The following PPARA variants were observed in gnomAD, a reference collection of about 807,000 sequenced individuals.
PPARA encodes peroxisome proliferator activated receptor alpha, also known as peroxisome proliferator-activated receptor alpha.
Under a neutral mutation model 42.2 loss-of-function variants are expected in PPARA, and 22 were observed. That is an observed-to-expected ratio of 0.52 (90% CI 0.37 to 0.74). The LOEUF is 0.74. Among genes scored for constraint, PPARA ranks in the 30% least tolerant of loss-of-function variants. The probability of loss-of-function intolerance (pLI) is 0.00; values close to 1 mark genes in which losing one functional copy is unlikely to be tolerated. For missense variants in PPARA, 465 were observed against 608.2 expected (o/e 0.76, Z 2.48); for synonymous variants, 242 against 239.3 (o/e 1.01, Z -0.10).
chr22:46,213,088 C>A (rs1237314919), intron 4 of PPARA, among the ~76,000 whole-genome samples: 1 of 152,166 alleles, frequency 6.6e-6, no homozygotes, highest in African/African-American at 2.4e-5. Context: ...GAGTGTGATT[C>A]CATCATACAG....
intron 2 of PPARA, among the ~76,000 whole-genome samples, chr22:46,172,286 G>C (rs1928183445): frequency 6.7e-6 from 1 of 149,166 alleles, no homozygotes; most frequent in South Asian, 2.1e-4. Flanking sequence ...GCCATGAGCT[G>C]GGATGGAAAC....
chr22:46,218,721 C>G (rs1934725010), intron 6 of PPARA, among the ~76,000 whole-genome samples: 1 of 151,586 alleles, frequency 6.6e-6, no homozygotes, highest in Non-Finnish European at 1.5e-5. Context: ...GTAGTCCCAG[C>G]TACTCGGGAG....
intron 7 of PPARA, among the ~76,000 whole-genome samples, chr22:46,229,303 C>T (rs1935703524): frequency 6.6e-6 from 1 of 152,060 alleles, no homozygotes; most frequent in Admixed American, 6.6e-5. Flanking sequence ...TAATCCTGGC[C>T]TGCACTTTGG....
rs568314792 is a variant in PPARA, at chr22:46,241,513, C to T, written c.*6133C>T. 4 of 152,286 alleles carry T rather than the reference C, an allele frequency of 2.6e-5. No homozygotes were observed. In the South Asian group the frequency reaches 8.3e-4, roughly 32 times the overall value. The allele number at this position is 152,286 out of a possible 1,614,324, so 9.4% of individuals were successfully genotyped here. A position where few individuals can be genotyped will look rare whatever the true frequency, so the allele number is the denominator to read the frequency against. Reference sequence around the variant, plus strand: ...AGTGGCATGGGCTGGAAGCTTATCACAAAAAGCCATGTGTGTGGCCTTATC... The same window carrying T: ...AGTGGCATGGGCTGGAAGCTTATCATAAAAAGCCATGTGTGTGGCCTTATC... On this transcript the variant is annotated 3_prime_UTR_variant, in exon 9 of 9. Transcript: ENST00000407236. The surrounding 1 kb of genome is among the most constrained non-coding windows in gnomAD (Gnocchi z 5.7).
intron 2 of PPARA, among the ~76,000 whole-genome samples, chr22:46,172,794 G>A (rs1928304917): frequency 6.6e-6 from 1 of 152,162 alleles, no homozygotes; most frequent in African/African-American, 2.4e-5. Flanking sequence ...CTGGCAGGGT[G>A]GCCACAGGGC....
Position 46,232,129 on chromosome 22 carries a change from C to T in PPARA, c.1049C>T (p.Pro350Leu), listed in dbSNP as rs1935916758. The change falls in exon 8 of 9, where the codon CCG (proline) becomes CTG (leucine). Residue 350 changes from proline (P) to leucine (L), a missense_variant. Around this residue, in one of 2 missense-constraint regions of PPARA, gnomAD observed 313 missense variants for 469.1 expected, o/e 0.67. Coordinates refer to ENST00000407236, the MANE Select transcript of PPARA (RefSeq NM_005036.6). The surrounding 1 kb of genome is among the most constrained non-coding windows in gnomAD (Gnocchi z 5.3). ...TREFLKSLRK[P>L]FCDIMEPKFD... ...GAATTCCTAAAAAGCCTAAGGAAAC[C>T]GTTCTGTGATATCATGGAACCCAAG... 1 of 1,614,176 alleles carries T rather than the reference C, an allele frequency of 6.2e-7. No homozygotes were observed. Among genetic ancestry groups the T allele is most frequent in the Middle Eastern group, 1.6e-4 (1 of 6,062 alleles).
Position 46,185,730 on chromosome 22 carries a change from A to G in PPARA, c.-43+8894A>G, listed in dbSNP as rs547178546. 1.3e-3 allele frequency among the ~76,000 whole-genome samples: 193 copies of G among 149,820 alleles called. 2 individuals are homozygous for G. The highest frequency in any genetic ancestry group is 4.6e-3 in the African/African-American group (189 of 40,758). ...GCCAACATGGTGAAACCCCGTCTCT[A>G]CTAAAAATACAAAAATTAGCCAGGT... On this transcript the variant is annotated intron_variant, in intron 3 of 8. Coordinates refer to ENST00000407236, the MANE Select transcript of PPARA (RefSeq NM_005036.6).
At chr22:46,159,975 G>T (rs1925906223) in intron 2 of PPARA, among the ~76,000 whole-genome samples, 1 of 152,200 alleles carries the variant, frequency 6.6e-6, no homozygotes, top group Admixed American at 6.5e-5. Context: ...ACACCCAGAA[G>T]TAGTGTAGGG....
chr22:46,235,154 T>G lies in PPARA; in HGVS notation c.1181T>G (p.Val394Gly). 2.5e-6 allele frequency: 4 copies of G among 1,613,988 alleles called. No individual in the cohort carries two copies. The highest frequency in any genetic ancestry group is 3.4e-6 in the Non-Finnish European group (4 of 1,179,924). The part of the protein sequence containing the change: ...CCGDRPGLLN[V>G]GHIEKMQEGI... Reference sequence around the variant, plus strand: ...CTAGATCGTCCTGGCCTTCTAAACGTAGGACACATTGAAAAAATGCAGGAG... The same window carrying G: ...CTAGATCGTCCTGGCCTTCTAAACGGAGGACACATTGAAAAAATGCAGGAG... Residue 394 changes from valine to glycine, a missense_variant, in exon 9 of 9, where the codon GTA (valine) becomes GGA (glycine). Physicochemically the swap from Val to Gly is moderately radical, Grantham distance 109. Around this residue, in one of 2 missense-constraint regions of PPARA, gnomAD observed 313 missense variants for 469.1 expected, o/e 0.67. Coordinates refer to ENST00000407236, the MANE Select transcript of PPARA (RefSeq NM_005036.6). This position sits in a 1 kb window ranked among gnomAD's most constrained non-coding sequence, Gnocchi z 7.0.
At chr22:46,217,872 G>A (rs1373128424) in intron 5 of PPARA, among the ~76,000 whole-genome samples, 21 of 118,510 alleles carry the variant, frequency 1.8e-4, no homozygotes, top group Admixed American at 2.2e-4. Flanking sequence ...ACTCTGTCGC[G>A]CAGGCTGGAG....
At chr22:46,178,475 G>T (rs1361781190) in intron 3 of PPARA, among the ~76,000 whole-genome samples, 1 of 152,200 alleles carries the variant, frequency 6.6e-6, no homozygotes, top group Non-Finnish European at 1.5e-5. Flanking sequence ...AGGTTGCAGT[G>T]CAGGGAGAGG....
Position 46,241,983 on chromosome 22 carries a change from G to A in PPARA, c.*6603G>A, listed in dbSNP as rs1936384298. ...TCAGAGATAGCAAACTAAGACCTGG[G>A]GAGGGGGGTCAGCTTTTATTTTATT... On this transcript the variant is annotated 3_prime_UTR_variant, in exon 9 of 9. Transcript: ENST00000407236. The surrounding 1 kb of genome is among the most constrained non-coding windows in gnomAD (Gnocchi z 5.7). 1 of 151,928 alleles carries A rather than the reference G, an allele frequency of 6.6e-6. No homozygotes were observed. Among genetic ancestry groups the A allele is most frequent in the South Asian group, 2.1e-4 (1 of 4,804 alleles). The allele number at this position is 151,928 out of a possible 1,614,324, so 9.4% of individuals were successfully genotyped here. A position where few individuals can be genotyped will look rare whatever the true frequency, so the allele number is the denominator to read the frequency against.
At position 46,152,868 on chromosome 22, in the gene PPARA, T is replaced by A. The variant is rs185309382; in HGVS notation, c.-127+898T>A. On this transcript the variant is annotated intron_variant, in intron 2 of 8. Coordinates refer to ENST00000407236, the MANE Select transcript of PPARA (RefSeq NM_005036.6). ...TGGAAGCTGGGGTGGGCAGATCGCT[T>A]GAGGCCAGGAGTTCGAGACCAGCCT... is the stretch of plus-strand genomic sequence containing the variant. 3.1e-3 allele frequency among the ~76,000 whole-genome samples: 472 copies of A among 152,262 alleles called. 12 individuals are homozygous for A. Among genetic ancestry groups the A allele is most frequent in the Admixed American group, 0.026 (403 of 15,288 alleles).
At chr22:46,175,950 G>A (rs530743949) in intron 2 of PPARA, 1 of 152,032 alleles carries the variant, frequency 6.6e-6, no homozygotes, top group African/African-American at 2.4e-5. Context: ...GTGAACATTT[G>A]TGTACAGGTT....
chr22:46,199,447 A>T (rs1932754885), intron 4 of PPARA, among the ~76,000 whole-genome samples: 1 of 152,150 alleles, frequency 6.6e-6, no homozygotes, highest in Admixed American at 6.6e-5. Flanking sequence ...AGCCTGACCA[A>T]CATGGTGAGG....
chr22:46,174,919 T>A (rs971722394), intron 2 of PPARA, among the ~76,000 whole-genome samples: 3 of 147,288 alleles, frequency 2.0e-5, no homozygotes, highest in African/African-American at 7.7e-5. Context: ...TTTTTTTACT[T>A]TTTTTTTTTT....
At chr22:46,220,185 C>A (rs1252127214) in intron 7 of PPARA, 171 bp downstream of exon 7, 10 of 801,368 alleles carry the variant, frequency 1.2e-5, no homozygotes, top group East Asian at 5.4e-5. Context: ...TGTAGCTTAA[C>A]AACAACTCCT....
At chr22:46,218,121 T>C (rs1934663696) in intron 5 of PPARA, 142 bp from the exon 6 acceptor site, 1 of 1,154,678 alleles carries the variant, frequency 8.7e-7, no homozygotes, top group East Asian at 2.6e-5. Flanking sequence ...ATGATCACCA[T>C]GCCTGGCCTG....
intron 4 of PPARA, among the ~76,000 whole-genome samples, chr22:46,210,052 A>G (rs938238992): frequency 6.6e-6 from 1 of 151,974 alleles, no homozygotes. Context: ...GCCCAGAATA[A>G]CTTTTTAAAA....
Sources: gnomAD v4.1 joint callset for allele counts (sites outside exome capture counted in the v4.1 genomes callset) on GRCh38, gnomAD v4.1.1 for gene constraint, gnomAD v4.1.1 regional missense constraint, Gnocchi (gnomAD v3.1) non-coding constraint, MANE v1.5 for transcripts, NCBI Gene and HGNC (gene_info 2026-07-23, HGNC 2026-07-21) for gene names.